Variants in CP observed in about 807,000 individuals in gnomAD.
CP encodes caeruloplasmin.
In CP, 64 loss-of-function variants were observed where a neutral mutation model predicts 122.4. The observed-to-expected ratio is 0.52, with a 90% CI of 0.43 to 0.64. CP has a LOEUF of 0.64. CP is among the 30% of genes least tolerant of loss of function. The pLI is 0.00. For synonymous variants in CP, 440 were observed against 436.4 expected (o/e 1.01, Z -0.10); for missense variants, 1,167 against 1,284.4 (o/e 0.91, Z 1.40).
intron 9 of CP, among the ~76,000 whole-genome samples, chr3:149,190,399 T>C (rs1157301340): frequency 6.6e-6 from 1 of 152,172 alleles, no homozygotes; most frequent in Non-Finnish European, 1.5e-5. Context: ...GGCTCACACT[T>C]GTAATCCCAG....
chr3:149,208,693 G>C (rs1727914522), intron 4 of CP, among the ~76,000 whole-genome samples: 1 of 152,052 alleles, frequency 6.6e-6, no homozygotes, highest in Non-Finnish European at 1.5e-5. Flanking sequence ...TTAAGAAAAA[G>C]TCTAAACTGT....
intron 17 of CP, among the ~76,000 whole-genome samples, chr3:149,177,451 C>G (rs1158259692): frequency 6.6e-6 from 1 of 152,118 alleles, no homozygotes; most frequent in Admixed American, 6.5e-5. Context: ...TTCAGGAATG[C>G]CCCCATACCA....
At chr3:149,208,915 T>C (rs1285653457) in intron 4 of CP, among the ~76,000 whole-genome samples, 2 of 152,230 alleles carry the variant, frequency 1.3e-5, no homozygotes, top group Admixed American at 6.5e-5. Flanking sequence ...CAAATAATTT[T>C]TAGAATGAGT....
At chr3:149,210,404 T>G in intron 2 of CP, 25 bp from the exon 3 acceptor site, 3 of 1,598,208 alleles carry the variant, frequency 1.9e-6, no homozygotes, top group Non-Finnish European at 2.6e-6. Context: ...GCAATGAAGG[T>G]GCAAAGTGAA....
At chr3:149,206,419 G>A in intron 5 of CP, 80 bp from the exon 6 acceptor site, 1 of 1,506,784 alleles carries the variant, frequency 6.6e-7, no homozygotes. Context: ...CTGCTCGGGT[G>A]ATGACAAGTA....
intron 18 of CP, among the ~76,000 whole-genome samples, chr3:149,174,458 A>ATG (rs369272645): frequency 6.6e-6 from 1 of 152,308 alleles, no homozygotes; most frequent in East Asian, 1.9e-4. Context: ...AGATAGGGAA[A>ATG]AGAATGAGAA....
chr3:149,198,408 T>G lies in CP; in HGVS notation c.1672A>C (p.Lys558Gln). 6.2e-7 allele frequency: 1 copy of G among 1,614,040 alleles called. No individual in the cohort carries two copies. Among genetic ancestry groups the G allele is most frequent in the Non-Finnish European group, 8.5e-7 (1 of 1,179,856 alleles). The change falls in exon 9 of 19, where the codon AAA becomes CAA. Residue 558 changes from lysine to glutamine, a missense_variant. By Grantham distance (53) the Lys-to-Gln change is moderately conservative (BLOSUM62 1). This residue lies in a region of CP where 525 missense variants were observed against 657.2 expected (regional missense o/e 0.80). Coordinates refer to ENST00000264613, the MANE Select transcript of CP (RefSeq NM_000096.4). ...DIFTGLIGPM[K>Q]ICKKGSLHAN... The stretch of plus-strand genomic sequence containing the variant: ...TGTAAACTTCCTTTCTTGCATATTT[T>G]CATTGGCCCAATAAGCCCAGTGAAT...
intron 11 of CP, 61 bp from the exon 12 acceptor site, chr3:149,185,507 C>G (rs879495329): frequency 2.6e-5 from 39 of 1,500,752 alleles, no homozygotes; most frequent in Non-Finnish European, 3.6e-5. Flanking sequence ...GGCTCTCCAC[C>G]TTCCTCAGAA....
At chr3:149,190,684 G>C (rs975899415) in intron 9 of CP, among the ~76,000 whole-genome samples, 6 of 151,498 alleles carry the variant, frequency 4.0e-5, no homozygotes, top group African/African-American at 1.2e-4. Flanking sequence ...AAAAAGGAGG[G>C]GGGGAACCCC....
intron 5 of CP, 140 bp from the exon 6 acceptor site, chr3:149,206,479 C>T (rs1727736229): frequency 1.0e-6 from 1 of 959,352 alleles, no homozygotes; most frequent in African/African-American, 1.6e-5. Context: ...CTAGGGCAGA[C>T]AGCTGTAAAT....
intron 18 of CP, 73 bp downstream of exon 18, chr3:149,176,177 G>T: frequency 7.2e-7 from 1 of 1,386,800 alleles, no homozygotes; most frequent in Non-Finnish European, 1.0e-6. Context: ...ATTGGGGGAA[G>T]TATTTAGGCA....
rs71304221 is a variant in CP, at chr3:149,179,711, T to TAC, written c.2555-51_2555-50dup. ...ATCTGGTTGTATTTGGTTTATATTG[T>TAC]ACACACACACACACACACACACACA... On this transcript the variant is annotated intron_variant, in intron 14 of 18. Transcript: ENST00000264613. 111,721 of 604,642 alleles carry TAC rather than the reference T, an allele frequency of 0.18. 5,065 individuals carry two copies. The highest frequency in any genetic ancestry group is 0.24 in the East Asian group (5,913 of 24,388). The allele number at this position is 604,642 out of a possible 1,614,324, so 37.5% of individuals were successfully genotyped here. A position where few individuals can be genotyped will look rare whatever the true frequency, so the allele number is the denominator to read the frequency against.
intron 9 of CP, among the ~76,000 whole-genome samples, chr3:149,188,490 C>CAAAAAAAAA (rs60815739): frequency 2.8e-4 from 13 of 46,096 alleles, no homozygotes; most frequent in African/African-American, 3.4e-4. Context: ...TTGAAGCCTC[C>CAAAAAAAAA]AAAAAAAAAA....
intron 12 of CP, 46 bp from the exon 13 acceptor site, chr3:149,183,651 T>C (rs1423443771): frequency 7.3e-7 from 1 of 1,361,264 alleles, no homozygotes; most frequent in Non-Finnish European, 1.0e-6. Context: ...TTAATGAAAA[T>C]GTAACTTAAG....
chr3:149,170,852 T>C (rs1373976007), downstream of CP, among the ~76,000 whole-genome samples: 4 of 152,186 alleles, frequency 2.6e-5, no homozygotes, highest in Non-Finnish European at 5.9e-5. Context: ...TAAGACCAAG[T>C]GGATGTTTAT....
At chr3:149,185,673 A>C (rs1458245379) in intron 11 of CP, among the ~76,000 whole-genome samples, 1 of 151,818 alleles carries the variant, frequency 6.6e-6, no homozygotes, top group African/African-American at 2.4e-5. Flanking sequence ...CTTCTCCCCA[A>C]AATATCCTCA....
chr3:149,198,122 A>G (rs867940889), intron 9 of CP, among the ~76,000 whole-genome samples: 3 of 152,212 alleles, frequency 2.0e-5, no homozygotes, highest in Non-Finnish European at 2.9e-5. Flanking sequence ...CAAACAACAG[A>G]CCTAAAAAGT....
chr3:149,206,768 G>T (rs573675506), intron 5 of CP, among the ~76,000 whole-genome samples: 4 of 152,300 alleles, frequency 2.6e-5, no homozygotes, highest in African/African-American at 2.4e-5. Context: ...CAAGATGGTT[G>T]TGCATCTGCT....
rs775583038 is a variant in CP, at chr3:149,183,538, G to A, written c.2353C>T (p.Arg785Trp). ...CGGAATGTGCTATCAGTATACTGCCGATACACAACTTTCTTGTACTTTGAG... is the reference window on the plus strand; with the variant it reads ...CGGAATGTGCTATCAGTATACTGCCAATACACAACTTTCTTGTACTTTGAG... ...IGSKYKKVVY[R>W]QYTDSTFRVP... is the part of the protein sequence containing the mutation. Residue 785 changes from arginine to tryptophan, a missense_variant, in exon 13 of 19, where the codon CGG (arginine) becomes TGG (tryptophan). Transcript: ENST00000264613. 13 of 1,609,258 alleles carry A rather than the reference G, an allele frequency of 8.1e-6. No homozygotes were observed. Among genetic ancestry groups the A allele is most frequent in the African/African-American group, 4.0e-5 (3 of 74,312 alleles).
Sources: gnomAD v4.1 joint callset for allele counts (sites outside exome capture counted in the v4.1 genomes callset) on GRCh38, gnomAD v4.1.1 for gene constraint, gnomAD v4.1.1 regional missense constraint, MANE v1.5 for transcripts, NCBI Gene and HGNC (gene_info 2026-07-23, HGNC 2026-07-21) for gene names.